ZNF385D: variants seen among roughly 807,000 people sequenced by gnomAD.
ZNF385D encodes the protein zinc finger protein 659.
A neutral mutation model predicts 35.8 loss-of-function variants in ZNF385D; 15 were observed. That is an observed-to-expected ratio of 0.42 (90% CI 0.28 to 0.64). The LOEUF (loss-of-function observed/expected upper bound fraction) is 0.64. Among genes scored for constraint, ZNF385D ranks in the 30% least tolerant of loss-of-function variants. The probability of loss-of-function intolerance (pLI) is 0.23; values close to 1 mark genes in which losing one functional copy is unlikely to be tolerated. For synonymous variants in ZNF385D, 212 were observed against 186.8 expected (o/e 1.13, Z -1.10); for missense variants, 474 against 494.6 (o/e 0.96, Z 0.39).
At chr3:22,096,878 G>C (rs1006973743) in intron 3 of ZNF385D, among the ~76,000 whole-genome samples, 2 of 151,982 alleles carry the variant, frequency 1.3e-5, no homozygotes, top group Admixed American at 6.6e-5. Flanking sequence ...TCTGTGATTT[G>C]TGACTGATTG....
chr3:21,825,265 T>C (rs1048055586), intron 3 of ZNF385D, among the ~76,000 whole-genome samples: 2 of 152,216 alleles, frequency 1.3e-5, no homozygotes, highest in African/African-American at 4.8e-5. Context: ...CCCTTGGCTC[T>C]ATGAAGCTTG....
rs187866573 is a variant in ZNF385D, at chr3:22,338,338, T to G, written c.106+34112A>C. On this transcript the variant is annotated intron_variant, in intron 2 of 5. Transcript: ENST00000494108. ...TATGATTTCCATATGATCTTTTTAG[T>G]TTAATAATTCAAAGAAACACATAAG... Among the ~76,000 whole-genome samples the G allele has an allele frequency of 3.7e-3, 558 of 152,288 alleles. 5 individuals carry two copies. The highest frequency in any genetic ancestry group is 5.3e-3 in the Non-Finnish European group (357 of 67,998).
chr3:22,180,914 C>CTTTTGTTCTTTTTTTTTTTTTT (rs1695209879), intron 2 of ZNF385D, among the ~76,000 whole-genome samples: 2 of 113,010 alleles, frequency 1.8e-5, no homozygotes, highest in African/African-American at 8.4e-5. Flanking sequence ...TGCTTTTGTT[C>CTTTTGTTCTTTTTTTTTTTTTT]TTTTTTTTTT....
At chr3:21,654,952 A>G (rs1047558157) in intron 2 of ZNF385D, among the ~76,000 whole-genome samples, 2 of 152,070 alleles carry the variant, frequency 1.3e-5, no homozygotes, top group Non-Finnish European at 2.9e-5. Flanking sequence ...GAGATGTGGA[A>G]GAGGCAACTT....
chr3:21,782,369 G>A (rs2071526075), intron 3 of ZNF385D, among the ~76,000 whole-genome samples: 2 of 152,102 alleles, frequency 1.3e-5, no homozygotes, highest in Non-Finnish European at 2.9e-5. Flanking sequence ...GAGTCAGAGA[G>A]TTTAAATATT....
At chr3:21,523,707 A>G (rs1264145263) in intron 3 of ZNF385D, among the ~76,000 whole-genome samples, 1 of 152,226 alleles carries the variant, frequency 6.6e-6, no homozygotes, top group African/African-American at 2.4e-5. Context: ...CAGCTCTTGC[A>G]CAAAGTTTGT....
At chr3:21,844,917 T>C (rs1695903156) in intron 3 of ZNF385D, among the ~76,000 whole-genome samples, 1 of 152,000 alleles carries the variant, frequency 6.6e-6, no homozygotes, top group Admixed American at 6.6e-5. Flanking sequence ...GAATTGGTTT[T>C]ATAGATGTAG....
At chr3:21,908,915 TC>T (rs1699826752) in intron 3 of ZNF385D, among the ~76,000 whole-genome samples, 1 of 152,128 alleles carries the variant, frequency 6.6e-6, no homozygotes, top group African/African-American at 2.4e-5. Context: ...ATTATTTTTT[TC>T]AATGTGTTAG....
At chr3:21,927,253 A>G (rs35225619) in intron 3 of ZNF385D, among the ~76,000 whole-genome samples, 17,668 of 151,890 alleles carry the variant, frequency 0.12, 1,375 homozygotes, top group South Asian at 0.22. Flanking sequence ...AGCTTGCAGA[A>G]CCATGAGCCA....
chr3:21,840,324 T>C (rs1476736938), intron 3 of ZNF385D, among the ~76,000 whole-genome samples: 1 of 152,014 alleles, frequency 6.6e-6, no homozygotes, highest in African/African-American at 2.4e-5. Context: ...TAAAACAGAA[T>C]AGAGAAGAGC....
intron 2 of ZNF385D, among the ~76,000 whole-genome samples, chr3:22,326,092 C>A (rs1461589040): frequency 6.6e-6 from 1 of 152,166 alleles, no homozygotes; most frequent in Non-Finnish European, 1.5e-5. Flanking sequence ...CTTTTCCCTT[C>A]CAGGAAGTTC....
At chr3:22,088,664 T>C (rs931195497) in intron 3 of ZNF385D, among the ~76,000 whole-genome samples, 1 of 152,120 alleles carries the variant, frequency 6.6e-6, no homozygotes, top group Non-Finnish European at 1.5e-5. Flanking sequence ...TGTGGGACCA[T>C]ACATAAGCTG....
intron 3 of ZNF385D, among the ~76,000 whole-genome samples, chr3:21,844,424 G>A (rs1695872594): frequency 7.0e-6 from 1 of 143,688 alleles, no homozygotes; most frequent in African/African-American, 2.9e-5. Flanking sequence ...CATTATAGAT[G>A]GTGCTTTCTT....
intron 2 of ZNF385D, among the ~76,000 whole-genome samples, chr3:22,178,059 C>CT (rs1694956217): frequency 1.3e-5 from 2 of 152,148 alleles, no homozygotes; most frequent in African/African-American, 4.8e-5. Flanking sequence ...GTACATGTGT[C>CT]TTTATAGCAG....
intron 2 of ZNF385D, among the ~76,000 whole-genome samples, chr3:21,652,776 T>C (rs901007859): frequency 6.6e-6 from 1 of 152,150 alleles, no homozygotes; most frequent in Admixed American, 6.5e-5. Context: ...TTTCCAGTAG[T>C]ATTAATATTT....
At chr3:21,823,484 C>G (rs940500067) in intron 3 of ZNF385D, among the ~76,000 whole-genome samples, 1 of 152,070 alleles carries the variant, frequency 6.6e-6, no homozygotes, top group Non-Finnish European at 1.5e-5. Flanking sequence ...GCACACTCAC[C>G]GTGTATATAG....
intron 3 of ZNF385D, among the ~76,000 whole-genome samples, chr3:21,865,924 C>A (rs554977887): frequency 2.6e-5 from 4 of 151,662 alleles, no homozygotes; most frequent in Admixed American, 6.6e-5. Flanking sequence ...TGTGATAATG[C>A]GAAGGACACT....
intron 3 of ZNF385D, among the ~76,000 whole-genome samples, chr3:21,560,010 G>A (rs113974794): frequency 0.041 from 6,190 of 152,120 alleles, 429 homozygotes; most frequent in African/African-American, 0.14. Flanking sequence ...GCTCCATCAC[G>A]TCGTTTATGT....
In ZNF385D at chr3:22,355,133, C is replaced by T. The variant is rs142114111; in HGVS notation, c.106+17317G>A. On this transcript the variant is annotated intron_variant, in intron 2 of 5. Coordinates refer to the ZNF385D transcript ENST00000494108. The stretch of plus-strand genomic sequence containing the variant: ...ATGTATTTTCTGCCATATCATGTAT[C>T]ATGTTGTTGGAATGCATTTTCGTTC... Among the ~76,000 whole-genome samples, 993 of 152,076 alleles carry T rather than the reference C, an allele frequency of 6.5e-3. 37 individuals are homozygous for T. Among genetic ancestry groups the T allele is most frequent in the Admixed American group, 0.054 (828 of 15,254 alleles).
Sources: gnomAD v4.1 joint callset for allele counts (sites outside exome capture counted in the v4.1 genomes callset) on GRCh38, gnomAD v4.1.1 for gene constraint, MANE v1.5 for transcripts, NCBI Gene and HGNC (gene_info 2026-07-23, HGNC 2026-07-21) for gene names.